CHKA: variants seen among roughly 807,000 people sequenced by gnomAD.
The protein encoded by CHKA is choline kinase alpha, also known as CHETK-alpha.
CHKA carries 34 observed loss-of-function variants against 60.1 expected under a neutral mutation model. That is an observed-to-expected ratio of 0.57 (90% confidence interval 0.43 to 0.75). The LOEUF is 0.75. Among genes scored for constraint, CHKA ranks in the 30% least tolerant of loss-of-function variants. The pLI, the probability that CHKA is intolerant of heterozygous loss-of-function variation, is 0.00. For synonymous variants in CHKA, 217 were observed against 223.1 expected, an observed-to-expected ratio of 0.97 and a Z score of 0.24; for missense variants, 563 against 561.3, an observed-to-expected ratio of 1.00 and a Z score of -0.03.
chr11:68,095,162 T>C (rs914034511), intron 2 of CHKA, among the ~76,000 whole-genome samples: 1 of 151,930 alleles, frequency 6.6e-6, no homozygotes, highest in Admixed American at 6.6e-5. Context: ...CCCAGTACTT[T>C]GTGAGGCCAA....
chr11:68,080,434 G>A (rs967717886), intron 3 of CHKA, among the ~76,000 whole-genome samples: 2 of 151,636 alleles, frequency 1.3e-5, no homozygotes, highest in African/African-American at 4.9e-5. Flanking sequence ...TGCAACCTCC[G>A]CCTCCCAGGT....
chr11:68,096,042 G>GA (rs71040584), intron 2 of CHKA, among the ~76,000 whole-genome samples: 20 of 143,084 alleles, frequency 1.4e-4, no homozygotes, highest in South Asian at 6.7e-4. Flanking sequence ...TCCATCTCAG[G>GA]AAAAAAAAAA....
At chr11:68,114,557 C>T (rs1336056273) in intron 1 of CHKA, among the ~76,000 whole-genome samples, 6 of 151,848 alleles carry the variant, frequency 4.0e-5, no homozygotes, top group Admixed American at 1.3e-4. Flanking sequence ...ATTAGCCAGG[C>T]GGGGTGGCAC....
intron 2 of CHKA, among the ~76,000 whole-genome samples, chr11:68,087,297 T>C (rs561154195): frequency 3.9e-5 from 6 of 152,070 alleles, no homozygotes; most frequent in Non-Finnish European, 8.8e-5. Flanking sequence ...CTGGCCAACA[T>C]GGTGAAACCC....
At chr11:68,112,137 C>A (rs1858174784) in intron 1 of CHKA, among the ~76,000 whole-genome samples, 1 of 151,310 alleles carries the variant, frequency 6.6e-6, no homozygotes, top group South Asian at 2.1e-4. Flanking sequence ...GTTACACTTC[C>A]CAAAAATTAA....
At chr11:68,057,856 C>A (rs531874286) in intron 11 of CHKA, among the ~76,000 whole-genome samples, 1 of 152,260 alleles carries the variant, frequency 6.6e-6, no homozygotes, top group South Asian at 2.1e-4. Flanking sequence ...ACACATGGAT[C>A]AATTTCTGGA....
At chr11:68,069,240 G>C (rs3763945) in intron 6 of CHKA, among the ~76,000 whole-genome samples, 16,418 of 152,050 alleles carry the variant, frequency 0.11, 965 homozygotes, top group East Asian at 0.15. Flanking sequence ...AGTGACCCAA[G>C]CAGGTCCTCC....
chr11:68,088,685 T>G (rs1857262653), intron 2 of CHKA, among the ~76,000 whole-genome samples: 1 of 141,008 alleles, frequency 7.1e-6, no homozygotes, highest in Admixed American at 7.5e-5. Context: ...GACCCTAACC[T>G]TACTTCTTCC....
At chr11:68,113,037 G>A (rs577850430) in intron 1 of CHKA, among the ~76,000 whole-genome samples, 24 of 114,192 alleles carry the variant, frequency 2.1e-4, no homozygotes, top group East Asian at 3.0e-4. Context: ...AGCCAAGATC[G>A]CACCACTGCA....
intron 11 of CHKA, 21 bp downstream of exon 11, chr11:68,061,931 CA>C: frequency 2.0e-6 from 3 of 1,487,932 alleles, no homozygotes; most frequent in South Asian, 2.6e-5. Flanking sequence ...AAAAAAAAAA[CA>C]AAAACGCTGC....
intron 2 of CHKA, among the ~76,000 whole-genome samples, chr11:68,093,079 C>T (rs1857401293): frequency 1.4e-5 from 2 of 147,892 alleles, no homozygotes; most frequent in African/African-American, 2.5e-5. Flanking sequence ...ATGATCTTGG[C>T]TCACTGCAAT....
chr11:68,112,974 C>A (rs1399314228), intron 1 of CHKA, among the ~76,000 whole-genome samples: 2 of 147,080 alleles, frequency 1.4e-5, no homozygotes, highest in Non-Finnish European at 3.0e-5. Context: ...CCCAGCTACT[C>A]GGGAGGCTGA....
At chr11:68,056,456 T>A (rs1412151227) in intron 11 of CHKA, among the ~76,000 whole-genome samples, 2 of 152,162 alleles carry the variant, frequency 1.3e-5, no homozygotes, top group Non-Finnish European at 2.9e-5. Flanking sequence ...CCTGGTCAGG[T>A]CTTGCTAGGT....
intron 1 of CHKA, among the ~76,000 whole-genome samples, chr11:68,114,302 C>T (rs1236167714): frequency 5.9e-5 from 9 of 152,144 alleles, no homozygotes; most frequent in Non-Finnish European, 1.3e-4. Context: ...CGTGAAGTAA[C>T]CCAGATGTCC....
At chr11:68,072,906 G>C (rs983566832) in intron 4 of CHKA, among the ~76,000 whole-genome samples, 24 of 152,166 alleles carry the variant, frequency 1.6e-4, no homozygotes, top group African/African-American at 5.1e-4. Flanking sequence ...AAGGCAGAAA[G>C]ATCACTTGAG....
intron 1 of CHKA, among the ~76,000 whole-genome samples, chr11:68,106,191 T>C (rs1399861532): frequency 6.6e-6 from 1 of 151,608 alleles, no homozygotes; most frequent in African/African-American, 2.4e-5. Context: ...CTCTACGGAG[T>C]AATCAGGACG....
intron 7 of CHKA, among the ~76,000 whole-genome samples, chr11:68,067,493 G>T (rs1389544943): frequency 6.6e-6 from 1 of 152,104 alleles, no homozygotes; most frequent in Non-Finnish European, 1.5e-5. Flanking sequence ...TACTCAGGAG[G>T]CTAAGGCAGG....
intron 1 of CHKA, among the ~76,000 whole-genome samples, chr11:68,109,778 C>G (rs1042567659): frequency 6.6e-6 from 1 of 152,024 alleles, no homozygotes; most frequent in African/African-American, 2.4e-5. Flanking sequence ...ATGGTGAAAC[C>G]CTGTCTGTAC....
rs186780828 is a variant in CHKA at position 68,084,560 on chromosome 11, C to G, written c.463-3103G>C. On this transcript the variant is annotated intron_variant, in intron 2 of 11. Transcript: ENST00000265689. The stretch of plus-strand genomic sequence containing the variant: ...ATTTAGTATGACATCCAACTTTTCT[C>G]TAACAAGTTAATAAAAATTATCCTC... Among the ~76,000 whole-genome samples, 1,492 of 150,758 alleles carry G rather than the reference C, an allele frequency of 9.9e-3. 8 individuals carry two copies. Among genetic ancestry groups the G allele is most frequent in the Non-Finnish European group, 0.016 (1,087 of 67,702 alleles).
Sources: allele counts gnomAD v4.1 joint callset (sites outside exome capture counted in the v4.1 genomes callset), GRCh38; gene constraint gnomAD v4.1.1; transcripts MANE v1.5; gene names NCBI Gene and HGNC (gene_info 2026-07-23, HGNC 2026-07-21).